The following DKK3 variants were observed in gnomAD, a reference collection of about 807,000 sequenced individuals.
DKK3 encodes the protein dickkopf-related protein 3.
DKK3 carries 22 observed loss-of-function variants against 33.2 expected under a neutral mutation model. The ratio of observed to expected loss-of-function variants is 0.66; its 90% CI spans 0.47 to 0.95. The LOEUF is 0.95. Among genes scored for constraint, DKK3 ranks in the 40% least tolerant of loss-of-function variants. DKK3 has a pLI of 0.00. For synonymous variants in DKK3, 194 were observed against 188.8 expected, an observed-to-expected ratio of 1.03 and a Z score of -0.23; for missense variants, 398 against 458.4, an observed-to-expected ratio of 0.87 and a Z score of 1.20.
intron 3 of DKK3, among the ~76,000 whole-genome samples, chr11:11,981,900 C>T (rs959314322): frequency 6.6e-6 from 1 of 152,094 alleles, no homozygotes; most frequent in South Asian, 2.1e-4. Flanking sequence ...GCAGCTCCCC[C>T]ACCCCCAGCA....
intron 3 of DKK3, among the ~76,000 whole-genome samples, chr11:11,979,412 T>C (rs771055436): frequency 1.3e-5 from 2 of 152,156 alleles, no homozygotes; most frequent in East Asian, 1.9e-4. Context: ...CCGGGAGAAA[T>C]GCTTCCGGTC....
At position 12,008,602 on chromosome 11, in the gene DKK3, C is replaced by T. The variant is rs1350295460; in HGVS notation, c.-20G>A. ...CTGCATCTCCGCTCTGCGCCCGCAG[C>T]CGCCGCCTGTGTGTCCCGGAACGCG... On this transcript the variant is annotated 5_prime_UTR_variant, in exon 1 of 7. Transcript: ENST00000683431. The surrounding 1 kb of genome is among the most constrained non-coding windows in gnomAD (Gnocchi z 4.6). 5.1e-6 allele frequency: 7 copies of T among 1,380,942 alleles called. No individual in the cohort carries two copies. Among genetic ancestry groups the T allele is most frequent in the Non-Finnish European group, 6.5e-6 (7 of 1,077,448 alleles). 85.5% of individuals were successfully genotyped at this position (1,380,942 alleles called of 1,614,324 possible). A position where few individuals can be genotyped will look rare whatever the true frequency, so the allele number is the denominator to read the frequency against.
chr11:11,964,750 G>A (rs756973312), intron 6 of DKK3, 64 bp from the exon 7 acceptor site: 3 of 1,557,222 alleles, frequency 1.9e-6, no homozygotes, highest in South Asian at 1.2e-5. Flanking sequence ...GAAAGCTAAG[G>A]CGCCCTGACT....
intron 3 of DKK3, among the ~76,000 whole-genome samples, chr11:11,981,693 C>G (rs1375775703): frequency 6.6e-6 from 1 of 152,116 alleles, no homozygotes; most frequent in Admixed American, 6.5e-5. Context: ...CAATCACACA[C>G]AGCCGTCTAG....
At chr11:12,008,917 C>G, upstream of DKK3, 1 of 1,063,332 alleles carries the variant, frequency 9.4e-7, no homozygotes, top group Non-Finnish European at 1.1e-6. This position sits in a 1 kb window ranked among gnomAD's most constrained non-coding sequence, Gnocchi z 4.6. Context: ...GGATCCTCTA[C>G]GCTAATAGCT....
chr11:11,968,548 C>A, intron 3 of DKK3, 61 bp from the exon 4 acceptor site: 1 of 1,524,654 alleles, frequency 6.6e-7, no homozygotes, highest in African/African-American at 1.4e-5. Flanking sequence ...GCCCACAGTG[C>A]CCAGGAAGGG....
chr11:11,967,174 C>T (rs538907567), intron 4 of DKK3, 76 bp from the exon 5 acceptor site: 4 of 1,548,898 alleles, frequency 2.6e-6, no homozygotes, highest in Middle Eastern at 2.4e-4. Flanking sequence ...CCTGAAGATA[C>T]CACAGATAGG....
intron 3 of DKK3, among the ~76,000 whole-genome samples, chr11:11,985,984 G>A (rs916647580): frequency 1.3e-5 from 2 of 152,106 alleles, no homozygotes; most frequent in African/African-American, 2.4e-5. Flanking sequence ...ATCAAAAAGG[G>A]AGGACCCTGG....
At chr11:11,985,879 C>T (rs1219897038) in intron 3 of DKK3, among the ~76,000 whole-genome samples, 1 of 152,232 alleles carries the variant, frequency 6.6e-6, no homozygotes. Flanking sequence ...CAGCTCTGCA[C>T]AAGGCAAGCA....
chr11:12,000,274 C>T (rs1041538118), intron 2 of DKK3, among the ~76,000 whole-genome samples: 25 of 152,076 alleles, frequency 1.6e-4, no homozygotes, highest in Non-Finnish European at 5.9e-5. Flanking sequence ...GCGATGATCT[C>T]GGCTCACTGC....
chr11:12,005,315 T>G (rs1848515989), intron 1 of DKK3, among the ~76,000 whole-genome samples: 1 of 152,232 alleles, frequency 6.6e-6, no homozygotes, highest in Non-Finnish European at 1.5e-5. Flanking sequence ...CAACTATTAT[T>G]GCCACTAGCA....
At chr11:11,998,530 A>ACAT in intron 3 of DKK3, 166 bp downstream of exon 3, 1 of 701,932 alleles carries the variant, frequency 1.4e-6, no homozygotes. Flanking sequence ...TTACTGGACT[A>ACAT]CATCTGTCTG....
rs2133343302 is a variant in DKK3, at chr11:12,008,533, A to C, written c.50T>G (p.Val17Gly). 1 of 1,555,594 alleles carries C rather than the reference A, an allele frequency of 6.4e-7. No individual in the cohort carries two copies. Among genetic ancestry groups the C allele is most frequent in the Non-Finnish European group, 8.6e-7 (1 of 1,158,302 alleles). The change falls in exon 1 of 7, where the codon GTC (valine) becomes GGC (glycine). Residue 17 changes from valine to glycine, a missense_variant. Coordinates refer to ENST00000683431, the MANE Select transcript of DKK3 (RefSeq NM_001018057.2). This position sits in a 1 kb window ranked among gnomAD's most constrained non-coding sequence, Gnocchi z 4.6. ...CGGAGCGGGCGCGGGGGCCGTGGGG[A>C]CCGCCGCCGCCAGCAGCAGGCACAG... The part of the protein sequence containing the change: ...TLLCLLLAAA[V>G]PTAPAPAPTA...
At chr11:11,969,216 G>A (rs1306259308) in intron 3 of DKK3, among the ~76,000 whole-genome samples, 1 of 152,210 alleles carries the variant, frequency 6.6e-6, no homozygotes, top group Non-Finnish European at 1.5e-5. Flanking sequence ...ACCTGCCATG[G>A]TCGCCGGTCA....
At chr11:11,973,817 C>T (rs887898559) in intron 3 of DKK3, among the ~76,000 whole-genome samples, 1 of 152,200 alleles carries the variant, frequency 6.6e-6, no homozygotes, top group African/African-American at 2.4e-5. Context: ...TAGAGTTGAT[C>T]AGAGGAGAGA....
intron 3 of DKK3, among the ~76,000 whole-genome samples, chr11:11,977,815 T>A (rs188880325): frequency 3.3e-4 from 50 of 152,302 alleles, no homozygotes; most frequent in Non-Finnish European, 4.6e-4. Context: ...CGCTGCCTCC[T>A]CCATGGCTCC....
In DKK3 at chr11:12,002,258, A is replaced by T. The variant is rs762749109; in HGVS notation, c.351+42T>A. The T allele has an allele frequency of 4.4e-6, 7 of 1,596,334 alleles. No homozygotes were observed. The African/African-American group carries it at 9.4e-5, about 22-fold the overall frequency. On this transcript the variant is annotated intron_variant, in intron 2 of 6. Coordinates refer to ENST00000683431, the MANE Select transcript of DKK3 (RefSeq NM_001018057.2). ...AAAAAAACCTTAGTTCTCTGATGGG[A>T]CTGGACGCTATAGAAAGGAGGAAGT...
chr11:11,985,112 A>G (rs1221690828), intron 3 of DKK3, among the ~76,000 whole-genome samples: 3 of 152,188 alleles, frequency 2.0e-5, no homozygotes, highest in African/African-American at 4.8e-5. Flanking sequence ...GGAGGAGGCC[A>G]TGTGCAGATG....
At chr11:12,000,968 A>C (rs983970605) in intron 2 of DKK3, among the ~76,000 whole-genome samples, 2 of 152,204 alleles carry the variant, frequency 1.3e-5, no homozygotes, top group Non-Finnish European at 2.9e-5. Context: ...AGGTCATTTG[A>C]CCTGCACAGT....
Sources: gnomAD v4.1 joint callset for allele counts (sites outside exome capture counted in the v4.1 genomes callset) on GRCh38, gnomAD v4.1.1 for gene constraint, Gnocchi (gnomAD v3.1) non-coding constraint, MANE v1.5 for transcripts, NCBI Gene and HGNC (gene_info 2026-07-23, HGNC 2026-07-21) for gene names.